Variants in NKAIN3 observed in about 807,000 individuals in gnomAD.
NKAIN3 encodes the protein sodium/potassium transporting ATPase interacting 3, also known as sodium/potassium-transporting ATPase subunit beta-1-interacting protein 3.
Under a neutral mutation model 30.2 loss-of-function variants are expected in NKAIN3, and 25 were observed. The ratio of observed to expected loss-of-function variants is 0.83; its 90% CI spans 0.60 to 1.16. NKAIN3 has a LOEUF of 1.16. Ranked by LOEUF, NKAIN3 falls within the 50% of genes most tolerant of loss-of-function variation. The pLI is 0.00. For synonymous variants in NKAIN3, 91 were observed against 89.6 expected (o/e 1.02, Z -0.09); for missense variants, 225 against 254.1 (o/e 0.89, Z 0.78).
chr8:62,541,081 G>C (rs571013128), intron 1 of NKAIN3, among the ~76,000 whole-genome samples: 2 of 152,180 alleles, frequency 1.3e-5, no homozygotes, highest in South Asian at 2.1e-4. Flanking sequence ...AGGCTGAGGT[G>C]GGGGGATCAC....
intron 4 of NKAIN3, among the ~76,000 whole-genome samples, chr8:62,897,180 G>A (rs1372970213): frequency 6.6e-6 from 1 of 152,122 alleles, no homozygotes; most frequent in Admixed American, 6.5e-5. Flanking sequence ...CTCATATATA[G>A]TAAGAAAGAA....
intron 1 of NKAIN3, among the ~76,000 whole-genome samples, chr8:62,555,008 C>CTA (rs1312143012): frequency 1.9e-5 from 2 of 107,238 alleles, no homozygotes; most frequent in South Asian, 3.6e-4. Context: ...ATGGCAGAAT[C>CTA]TATACACACA....
intron 6 of NKAIN3, among the ~76,000 whole-genome samples, chr8:62,957,498 T>C (rs1291665605): frequency 2.0e-5 from 3 of 152,194 alleles, no homozygotes; most frequent in Non-Finnish European, 4.4e-5. Flanking sequence ...CGTAGGTGAA[T>C]GGATGAACTC....
intron 1 of NKAIN3, among the ~76,000 whole-genome samples, chr8:62,399,098 A>T (rs936212741): frequency 1.3e-5 from 2 of 152,178 alleles, no homozygotes; most frequent in Non-Finnish European, 2.9e-5. Context: ...CTCAAAAAAC[A>T]AACAAAAAAA....
chr8:62,781,091 A>T (rs1352441204), intron 4 of NKAIN3, among the ~76,000 whole-genome samples: 1 of 152,102 alleles, frequency 6.6e-6, no homozygotes, highest in African/African-American at 2.4e-5. Flanking sequence ...AAGTTGCAGG[A>T]TACAAAATTA....
rs1278930655 is a variant in NKAIN3 at position 62,300,250 on chromosome 8, C to T, written c.54+51123C>T. Among the ~76,000 whole-genome samples the T allele has an allele frequency of 3.9e-5, 6 of 151,986 alleles. 1 individual carries two copies. ...AAATATGTTCACAATCATCTGAAAC[C>T]TAATCATATTTTTTAATTCAACGTA... On this transcript the variant is annotated intron_variant, in intron 1 of 6. Transcript: ENST00000623646.
At chr8:62,682,812 A>G (rs1302158116) in intron 3 of NKAIN3, among the ~76,000 whole-genome samples, 2 of 152,030 alleles carry the variant, frequency 1.3e-5, no homozygotes, top group East Asian at 1.9e-4. Context: ...CCCATCCCTC[A>G]AAGCAGCTGC....
At chr8:62,934,522 G>A (rs925010919) in intron 5 of NKAIN3, among the ~76,000 whole-genome samples, 4 of 152,070 alleles carry the variant, frequency 2.6e-5, no homozygotes, top group African/African-American at 7.3e-5. Flanking sequence ...TATTAAGACA[G>A]TACAACTCTT....
chr8:62,305,721 G>T (rs533607216), intron 1 of NKAIN3, among the ~76,000 whole-genome samples: 2 of 150,558 alleles, frequency 1.3e-5, no homozygotes, highest in African/African-American at 5.0e-5. Flanking sequence ...TGTGATGATG[G>T]ATGGAAAAGA....
chr8:62,335,444 A>T (rs994023578), intron 1 of NKAIN3, among the ~76,000 whole-genome samples: 4 of 150,368 alleles, frequency 2.7e-5, no homozygotes, highest in Non-Finnish European at 5.9e-5. Context: ...AAAAAAAAAA[A>T]AAAAAAAGAA....
chr8:62,299,750 G>A (rs1037425813), intron 1 of NKAIN3, among the ~76,000 whole-genome samples: 2 of 151,958 alleles, frequency 1.3e-5, no homozygotes, highest in African/African-American at 4.8e-5. Context: ...ACTAAAATAG[G>A]TATTTATTTT....
At chr8:62,948,195 C>CT (rs1018602395) in intron 5 of NKAIN3, among the ~76,000 whole-genome samples, 2,466 of 144,690 alleles carry the variant, frequency 0.017, 56 homozygotes, top group African/African-American at 0.054. Context: ...TTGGTATTTC[C>CT]TTTTTTTTTT....
chr8:62,465,954 C>A (rs1001826193), intron 1 of NKAIN3, among the ~76,000 whole-genome samples: 1 of 151,892 alleles, frequency 6.6e-6, no homozygotes, highest in African/African-American at 2.4e-5. Context: ...ACCTAGGAGG[C>A]AGAGGTTTAG....
At chr8:62,957,382 C>A (rs1020128232) in intron 6 of NKAIN3, among the ~76,000 whole-genome samples, 1 of 152,228 alleles carries the variant, frequency 6.6e-6, no homozygotes, top group Admixed American at 6.5e-5. Context: ...GATCCGCCCC[C>A]TTCGGCCTCC....
At chr8:62,730,676 T>A (rs1477040946) in intron 3 of NKAIN3, among the ~76,000 whole-genome samples, 1 of 152,286 alleles carries the variant, frequency 6.6e-6, no homozygotes, top group South Asian at 2.1e-4. Flanking sequence ...TTTTAAAAAA[T>A]TTCTTCCTTT....
chr8:62,946,127 G>A (rs776394424), intron 5 of NKAIN3, among the ~76,000 whole-genome samples: 2 of 152,112 alleles, frequency 1.3e-5, no homozygotes, highest in Non-Finnish European at 2.9e-5. Flanking sequence ...TAAACTTCCT[G>A]AAGCATAAAG....
Position 62,252,806 on chromosome 8 carries a change from A to G in NKAIN3, c.54+3679A>G, listed in dbSNP as rs537234573. ...TTTTATAATACTGTATATACTTATC[A>G]TTAGATATGTGTAATTTATACATAA... On this transcript the variant is annotated intron_variant, in intron 1 of 6. Transcript: ENST00000623646. Among the ~76,000 whole-genome samples the G allele has an allele frequency of 3.3e-5, 5 of 152,320 alleles. No individual in the cohort carries two copies. The South Asian group carries it at 8.3e-4, about 25-fold the overall frequency.
chr8:62,429,389 A>T (rs559710979), intron 1 of NKAIN3, among the ~76,000 whole-genome samples: 138 of 151,972 alleles, frequency 9.1e-4, no homozygotes, highest in Non-Finnish European at 1.4e-3. Context: ...ACTTGATTCT[A>T]TTAATGTGAT....
chr8:62,822,574 A>G (rs1023345615), intron 4 of NKAIN3, among the ~76,000 whole-genome samples: 2 of 152,160 alleles, frequency 1.3e-5, no homozygotes, highest in Non-Finnish European at 2.9e-5. Flanking sequence ...CCCAGTTTGG[A>G]ACATAATTTT....
Sources: gnomAD v4.1 joint callset for allele counts (sites outside exome capture counted in the v4.1 genomes callset) on GRCh38, gnomAD v4.1.1 for gene constraint, MANE v1.5 for transcripts, NCBI Gene and HGNC (gene_info 2026-07-23, HGNC 2026-07-21) for gene names.